IL1RAPL2: variants seen among roughly 807,000 people sequenced by gnomAD.
IL1RAPL2 encodes X-linked interleukin-1 receptor accessory protein-like 2.
In IL1RAPL2, 3 loss-of-function variants were observed where a neutral mutation model predicts 44.1. The ratio of observed to expected loss-of-function variants is 0.07; its 90% confidence interval spans 0.03 to 0.18. The LOEUF is 0.18. Among genes scored for constraint, IL1RAPL2 ranks in the 10% least tolerant of loss-of-function variants. The pLI, the probability that IL1RAPL2 is intolerant of heterozygous loss-of-function variation, is 1.00. For synonymous variants in IL1RAPL2, 181 were observed against 178.8 expected (o/e 1.01, Z -0.10); for missense variants, 391 against 496.4 (o/e 0.79, Z 2.02).
chrX:105,619,907 G>A (rs770224728), intron 6 of IL1RAPL2, among the ~76,000 whole-genome samples: 2 of 110,495 alleles, frequency 1.8e-5, no homozygotes, highest in South Asian at 3.9e-4. Context: ...GAGATAGGTA[G>A]ATATATGAGG....
intron 2 of IL1RAPL2, among the ~76,000 whole-genome samples, chrX:104,826,505 C>T (rs1278770011): frequency 9.0e-6 from 1 of 111,462 alleles, no homozygotes. Context: ...CATTCTTTTG[C>T]ATTTGCGAGG....
chrX:104,888,783 C>G (rs774936791), intron 2 of IL1RAPL2, among the ~76,000 whole-genome samples: 13 of 110,266 alleles, frequency 1.2e-4, no homozygotes, highest in Non-Finnish European at 2.3e-4. Context: ...GGAAAAGACC[C>G]TTTCCAACTT....
intron 2 of IL1RAPL2, among the ~76,000 whole-genome samples, chrX:105,079,134 G>A (rs1242670718): frequency 2.7e-5 from 3 of 111,968 alleles, no homozygotes; most frequent in Admixed American, 9.5e-5. Flanking sequence ...CACGCTGGGA[G>A]CTGTAGACTG....
At chrX:105,718,261 T>A (rs2038273673) in intron 7 of IL1RAPL2, among the ~76,000 whole-genome samples, 1 of 112,175 alleles carries the variant, frequency 8.9e-6, no homozygotes, top group African/African-American at 3.2e-5. Context: ...TGAAAATTAA[T>A]CTAAAATTTC....
intron 6 of IL1RAPL2, among the ~76,000 whole-genome samples, chrX:105,565,213 G>T (rs1717004594): frequency 9.0e-6 from 1 of 111,536 alleles, no homozygotes; most frequent in South Asian, 3.8e-4. Context: ...CTTTTTTTTA[G>T]AATGCTCTCT....
intron 5 of IL1RAPL2, among the ~76,000 whole-genome samples, chrX:105,458,280 C>T (rs754288897): frequency 9.2e-4 from 102 of 111,168 alleles, no homozygotes; most frequent in African/African-American, 3.3e-3. Context: ...TTTTTGATTT[C>T]TTGATAGTGT....
chrX:105,537,071 A>T (rs1016183787), intron 6 of IL1RAPL2, among the ~76,000 whole-genome samples: 2 of 111,554 alleles, frequency 1.8e-5, no homozygotes, highest in African/African-American at 6.5e-5. Flanking sequence ...TTTGCCATGT[A>T]GAAATTTTTA....
chrX:104,856,685 C>T (rs1306578549), intron 2 of IL1RAPL2, among the ~76,000 whole-genome samples: 1 of 111,976 alleles, frequency 8.9e-6, no homozygotes, highest in African/African-American at 3.2e-5. Context: ...TGATAATGGA[C>T]ACTCATACAC....
intron 1 of IL1RAPL2, among the ~76,000 whole-genome samples, chrX:104,582,588 TTCTTTCTTTTTC>T: frequency 3.2e-5 from 1 of 31,059 alleles, no homozygotes; most frequent in African/African-American, 1.1e-4. Context: ...TTTTCTTTCT[TTCTTTCTTTTTC>T]TTTCTTTCTT....
At chrX:105,173,956 C>T (rs1411635893) in intron 2 of IL1RAPL2, among the ~76,000 whole-genome samples, 1 of 110,915 alleles carries the variant, frequency 9.0e-6, no homozygotes, top group African/African-American at 3.3e-5. Context: ...TGGTCTCGAA[C>T]TCCTGAGCTC....
At chrX:105,730,270 A>C (rs1569469801) in intron 7 of IL1RAPL2, among the ~76,000 whole-genome samples, 1 of 111,020 alleles carries the variant, frequency 9.0e-6, no homozygotes, top group African/African-American at 3.3e-5. Context: ...AGAGACAAAG[A>C]AGGTCATTAT....
At chrX:105,247,057 AT>A (rs1300259059) in intron 4 of IL1RAPL2, among the ~76,000 whole-genome samples, 1 of 110,811 alleles carries the variant, frequency 9.0e-6, no homozygotes, top group African/African-American at 3.3e-5. Context: ...TAATATATAT[AT>A]TTTTTATCTA....
chrX:105,183,070 G>A (rs1030877153), intron 2 of IL1RAPL2, among the ~76,000 whole-genome samples: 1 of 111,209 alleles, frequency 9.0e-6, no homozygotes, highest in Non-Finnish European at 1.9e-5. Flanking sequence ...GGCGAGTGGA[G>A]GGTGGTGTTT....
At chrX:105,364,934 T>C (rs987504699) in intron 5 of IL1RAPL2, among the ~76,000 whole-genome samples, 1 of 111,956 alleles carries the variant, frequency 8.9e-6, no homozygotes, top group Non-Finnish European at 1.9e-5. Flanking sequence ...CTTCCAGTAC[T>C]ATGTAGAATA....
chrX:105,619,588 T>G (rs1269147754), intron 6 of IL1RAPL2, among the ~76,000 whole-genome samples: 1 of 111,077 alleles, frequency 9.0e-6, no homozygotes, highest in African/African-American at 3.3e-5. Context: ...AGGCCCACAT[T>G]TAATACGTGA....
intron 5 of IL1RAPL2, among the ~76,000 whole-genome samples, chrX:105,285,604 A>T (rs2034564982): frequency 9.0e-6 from 1 of 111,552 alleles, no homozygotes. Flanking sequence ...AGATTAATTT[A>T]TGTGCCCCCA....
chrX:104,966,917 A>G (rs771479548), intron 2 of IL1RAPL2, among the ~76,000 whole-genome samples: 2 of 112,445 alleles, frequency 1.8e-5, no homozygotes, highest in East Asian at 5.6e-4. Flanking sequence ...AAGTGTCACA[A>G]AATCTACTTT....
chrX:105,731,703 G>GCC (rs1202107935), intron 7 of IL1RAPL2, among the ~76,000 whole-genome samples: 1 of 111,058 alleles, frequency 9.0e-6, no homozygotes, highest in Non-Finnish European at 1.9e-5. Flanking sequence ...AGTGAAATAA[G>GCC]CCCTGTACTC....
At chrX:105,549,504 C>T (rs967913420) in intron 6 of IL1RAPL2, among the ~76,000 whole-genome samples, 11 of 111,106 alleles carry the variant, frequency 9.9e-5, no homozygotes, top group African/African-American at 3.0e-4. Flanking sequence ...CCTCCCTTCA[C>T]GGTTTGTCTT....
Sources: gnomAD v4.1 joint callset for allele counts (sites outside exome capture counted in the v4.1 genomes callset) on GRCh38, gnomAD v4.1.1 for gene constraint, MANE v1.5 for transcripts, NCBI Gene and HGNC (gene_info 2026-07-23, HGNC 2026-07-21) for gene names.